ABCG4: variants seen among roughly 807,000 people sequenced by gnomAD.
ABCG4 encodes the protein ATP binding cassette subfamily G member 4.
Under a neutral mutation model 64.6 loss-of-function variants are expected in ABCG4, and 35 were observed. The ratio of observed to expected loss-of-function variants is 0.54; its 90% CI spans 0.41 to 0.72. The LOEUF is 0.72. Among genes scored for constraint, ABCG4 ranks in the 30% least tolerant of loss-of-function variants. The probability of loss-of-function intolerance (pLI) is 0.00; values close to 1 mark genes in which losing one functional copy is unlikely to be tolerated. For missense variants in ABCG4, 610 were observed against 846.3 expected (o/e 0.72, Z 3.46); for synonymous variants, 326 against 348.2 (o/e 0.94, Z 0.71).
chr11:119,158,575 T>G lies in ABCG4; in HGVS notation c.1186T>G (p.Phe396Val). 5 of 1,614,178 alleles carry G rather than the reference T, an allele frequency of 3.1e-6. No homozygotes were observed. The highest frequency in any genetic ancestry group is 4.2e-6 in the Non-Finnish European group (5 of 1,180,012). ...LRDTVLTHLR[F>V]MSHVVIGVLI... ...TCCCAAGGTCCTGACCCACCTACGG[T>G]TCATGTCCCACGTGGTTATTGGCGT... Residue 396 changes from phenylalanine to valine, a missense_variant, in exon 11 of 15, where the codon TTC (phenylalanine) becomes GTC (valine). By Grantham distance (50) the Phe-to-Val change is conservative (BLOSUM62 -1). Coordinates refer to ENST00000619701, the MANE Select transcript of ABCG4 (RefSeq NM_022169.5). The surrounding 1 kb of genome is among the most constrained non-coding windows in gnomAD (Gnocchi z 4.5).
At position 119,158,742 on chromosome 11, in the gene ABCG4, TGGGCATG is replaced by T. The variant is rs1165838165; in HGVS notation, c.1336+23_1336+29del. 2 of 1,614,012 alleles carry T rather than the reference TGGGCATG, an allele frequency of 1.2e-6. No individual in the cohort carries two copies. The highest frequency in any genetic ancestry group is 2.7e-5 in the African/African-American group (2 of 74,934). On this transcript the variant is annotated intron_variant, in intron 11 of 14. Transcript: ENST00000619701. The surrounding 1 kb of genome is among the most constrained non-coding windows in gnomAD (Gnocchi z 4.5). ...TGCTCACCTGTGAGCTGAGCTGCCC[TGGGCATG>T]GGGCAAGGGTGTGGGTGCTGGGGCT...
At chr11:119,153,852 G>A (rs762991528) in intron 2 of ABCG4, 174 bp from the exon 3 acceptor site, 14 of 638,610 alleles carry the variant, frequency 2.2e-5, no homozygotes, top group South Asian at 1.3e-4. Flanking sequence ...CTAGGGGGAC[G>A]GGATGAGAGG....
rs1366307224 is a variant in ABCG4, at chr11:119,160,709, T to A, written c.1715+53T>A. The A allele has an allele frequency of 3.3e-6, 5 of 1,537,692 alleles. No homozygotes were observed. The highest frequency in any genetic ancestry group is 4.5e-6 in the Non-Finnish European group (5 of 1,111,790). On this transcript the variant is annotated intron_variant, in intron 14 of 14. Coordinates refer to ENST00000619701, the MANE Select transcript of ABCG4 (RefSeq NM_022169.5). This position sits in a 1 kb window ranked among gnomAD's most constrained non-coding sequence, Gnocchi z 4.6. ...CTCTGCTCCTCCCTGGAGGAGTCCA[T>A]ACCCAGGGCTTCCTGGGTTGTGCCA...
At chr11:119,152,985 A>G (rs914702923) in intron 2 of ABCG4, 1 of 152,208 alleles carries the variant, frequency 6.6e-6, no homozygotes, top group Non-Finnish European at 1.5e-5. Flanking sequence ...CTTCTTGAAT[A>G]TAAAAACTGT....
chr11:119,150,043 C>T lies in ABCG4; in HGVS notation c.78C>T (p.Asp26=), dbSNP rs373824430. 14 of 1,613,542 alleles carry T rather than the reference C, an allele frequency of 8.7e-6. No homozygotes were observed. The highest frequency in any genetic ancestry group is 1.2e-5 in the Non-Finnish European group (14 of 1,180,020). Residue 26 remains aspartate, a synonymous_variant, in exon 2 of 15, where the codon GAC becomes GAT. Coordinates refer to ENST00000619701, the MANE Select transcript of ABCG4 (RefSeq NM_022169.5). The surrounding 1 kb of genome is among the most constrained non-coding windows in gnomAD (Gnocchi z 4.3). Reference sequence around the variant, plus strand: ...TGGCCATGGCCGTGACGCTGGAGGACGGGGCGGAACCCCCTGTGCTGACCA... The same window carrying T: ...TGGCCATGGCCGTGACGCTGGAGGATGGGGCGGAACCCCCTGTGCTGACCA... ...GAVAMAVTLE[D]GAEPPVLTTH... is the part of the protein sequence containing the mutation.
chr11:119,153,394 T>C (rs1948216864), intron 2 of ABCG4: 1 of 152,826 alleles, frequency 6.5e-6, no homozygotes, highest in African/African-American at 2.4e-5. Context: ...ACAAGCCTGG[T>C]AGGCAGAGAG....
At chr11:119,152,723 C>T (rs1189306469) in intron 2 of ABCG4, among the ~76,000 whole-genome samples, 2 of 152,176 alleles carry the variant, frequency 1.3e-5, no homozygotes, top group East Asian at 1.9e-4. Flanking sequence ...TTTTATATCA[C>T]AGAGCTTTTC....
chr11:119,149,824 G>T lies in ABCG4; in HGVS notation c.-12-130G>T. On this transcript the variant is annotated intron_variant, in intron 1 of 14. Transcript: ENST00000619701. The surrounding 1 kb of genome is among the most constrained non-coding windows in gnomAD (Gnocchi z 8.3). ...AGAGTGGGGGGCGGGGGCAGAGTGC[G>T]GGGCTAACAGTCGCGGATCTGCCCC... The T allele has an allele frequency of 7.3e-7, 1 of 1,370,516 alleles. No homozygotes were observed. Among genetic ancestry groups the T allele is most frequent in the Non-Finnish European group, 9.7e-7 (1 of 1,033,232 alleles). The allele number at this position is 1,370,516 out of a possible 1,614,324, so 84.9% of individuals were successfully genotyped here. A position where few individuals can be genotyped will look rare whatever the true frequency, so the allele number is the denominator to read the frequency against.
rs906994704 is a variant in ABCG4 at position 119,160,023 on chromosome 11, C to T, written c.1438-204C>T. Reference sequence around the variant, plus strand: ...CAGTCAGGGTGGACCAAACGGAAGACGTGAGACGAGATAAGTGATGGTCAT... The same window carrying T: ...CAGTCAGGGTGGACCAAACGGAAGATGTGAGACGAGATAAGTGATGGTCAT... On this transcript the variant is annotated intron_variant, in intron 12 of 14. Coordinates refer to ENST00000619701, the MANE Select transcript of ABCG4 (RefSeq NM_022169.5). The surrounding 1 kb of genome is among the most constrained non-coding windows in gnomAD (Gnocchi z 4.6). Among the ~76,000 whole-genome samples the T allele has an allele frequency of 4.0e-5, 6 of 151,750 alleles. No individual in the cohort carries two copies. The highest frequency in any genetic ancestry group is 1.3e-4 in the Admixed American group (2 of 15,226).
rs1391228334 is a variant in ABCG4, at chr11:119,158,620, C to T, written c.1231C>T (p.Leu411=). The stretch of plus-strand genomic sequence containing the variant: ...TGGCGTGCTCATCGGCCTCCTCTAC[C>T]TGCATATTGGCGACGATGCCAGCAA... ...VIGVLIGLLY[L]HIGDDASKVF... is the part of the protein sequence containing the mutation. The change falls in exon 11 of 15, where the codon CTG becomes TTG. Residue 411 remains leucine, a synonymous_variant. Coordinates refer to ENST00000619701, the MANE Select transcript of ABCG4 (RefSeq NM_022169.5). The surrounding 1 kb of genome is among the most constrained non-coding windows in gnomAD (Gnocchi z 4.5). 1.1e-5 allele frequency: 17 copies of T among 1,614,114 alleles called. No homozygotes were observed. Among genetic ancestry groups the T allele is most frequent in the Non-Finnish European group, 1.4e-5 (16 of 1,180,050 alleles).
chr11:119,160,418 C>T lies in ABCG4; in HGVS notation c.1596+33C>T, dbSNP rs372500851. ...GGCTGGCAGTTGGGAATTCCCAAGG[C>T]GGGATGAGGTCTTGTGGGAGGAAGC... On this transcript the variant is annotated intron_variant, in intron 13 of 14. Transcript: ENST00000619701. This position sits in a 1 kb window ranked among gnomAD's most constrained non-coding sequence, Gnocchi z 4.6. The T allele has an allele frequency of 4.8e-5, 77 of 1,602,874 alleles. No individual in the cohort carries two copies. The African/African-American group carries it at 7.4e-4, about 15-fold the overall frequency.
Position 119,149,914 on chromosome 11 carries a change from C to T in ABCG4, c.-12-40C>T, listed in dbSNP as rs986700595. ...ACGCCAGGGAGCTTTGAGCCGGGCT[C>T]GGTGGTCTGCCCCAAACTGAGCAGG... On this transcript the variant is annotated intron_variant, in intron 1 of 14. Coordinates refer to ENST00000619701, the MANE Select transcript of ABCG4 (RefSeq NM_022169.5). The surrounding 1 kb of genome is among the most constrained non-coding windows in gnomAD (Gnocchi z 8.3). 16 of 1,568,540 alleles carry T rather than the reference C, an allele frequency of 1.0e-5. No individual in the cohort carries two copies. The highest frequency in any genetic ancestry group is 1.8e-5 in the Admixed American group (1 of 56,172).
rs1312211427 is a variant in ABCG4, at chr11:119,149,990, G to T, written c.25G>T (p.Val9Leu). ...GATGGCGGAGAAGGCGCTGGAGGCCGTGGGCTGTGGACTAGGGCCGGGGGC... is the reference window on the plus strand; with the variant it reads ...GATGGCGGAGAAGGCGCTGGAGGCCTTGGGCTGTGGACTAGGGCCGGGGGC... Reference protein sequence around the residue: MAEKALEAVGCGLGPGAVA... With the variant: MAEKALEALGCGLGPGAVA... Residue 9 changes from valine to leucine, a missense_variant, in exon 2 of 15, where the codon GTG becomes TTG. By Grantham distance (32) the Val-to-Leu change is conservative. Coordinates refer to ENST00000619701, the MANE Select transcript of ABCG4 (RefSeq NM_022169.5). The surrounding 1 kb of genome is among the most constrained non-coding windows in gnomAD (Gnocchi z 8.3). 3.1e-6 allele frequency: 5 copies of T among 1,609,446 alleles called. No individual in the cohort carries two copies. The highest frequency in any genetic ancestry group is 4.2e-6 in the Non-Finnish European group (5 of 1,179,862).
In ABCG4 at chr11:119,156,753, G is replaced by C. The variant is rs1243716902; in HGVS notation, c.925+75G>C. The stretch of plus-strand genomic sequence containing the variant: ...CTGGGGTCTCTGGTCTTGCACTCAG[G>C]CCTCCTAGGGGTAGAGATCTCACCG... On this transcript the variant is annotated intron_variant, in intron 8 of 14. Coordinates refer to ENST00000619701, the MANE Select transcript of ABCG4 (RefSeq NM_022169.5). The surrounding 1 kb of genome is among the most constrained non-coding windows in gnomAD (Gnocchi z 5.5). 4.4e-6 allele frequency: 7 copies of C among 1,593,718 alleles called. No individual in the cohort carries two copies. The Admixed American group carries it at 1.2e-4, about 27-fold the overall frequency.
chr11:119,160,049 A>G lies in ABCG4; in HGVS notation c.1438-178A>G, dbSNP rs4148172. 0.12 allele frequency among the ~76,000 whole-genome samples: 18,297 copies of G among 151,678 alleles called. 1,605 individuals are homozygous for G. The highest frequency in any genetic ancestry group is 0.33 in the South Asian group (1,560 of 4,790). ...GTGAGACGAGATAAGTGATGGTCAT[A>G]TGGCCAGGGAGGAAGGGGACGTGTG... On this transcript the variant is annotated intron_variant, in intron 12 of 14. Coordinates refer to ENST00000619701, the MANE Select transcript of ABCG4 (RefSeq NM_022169.5). This position sits in a 1 kb window ranked among gnomAD's most constrained non-coding sequence, Gnocchi z 4.6.
chr11:119,150,776 C>G lies in ABCG4; in HGVS notation c.238+573C>G, dbSNP rs147943297. Among the ~76,000 whole-genome samples, 4 of 152,232 alleles carry G rather than the reference C, an allele frequency of 2.6e-5. No individual in the cohort carries two copies. The highest frequency in any genetic ancestry group is 9.6e-5 in the African/African-American group (4 of 41,506). ...AAGTGGTAGAGCTGAGACCAGAAGC[C>G]CGGTTTCCCAGCTCTCCATGCATTG... On this transcript the variant is annotated intron_variant, in intron 2 of 14. Transcript: ENST00000619701. The surrounding 1 kb of genome is among the most constrained non-coding windows in gnomAD (Gnocchi z 4.3).
At chr11:119,157,841 G>A (rs1054052211) in intron 9 of ABCG4, among the ~76,000 whole-genome samples, 4 of 151,812 alleles carry the variant, frequency 2.6e-5, no homozygotes, top group African/African-American at 9.7e-5. Context: ...ACTCCAGACT[G>A]GGCGACAGAG....
Position 119,150,001 on chromosome 11 carries a change from A to C in ABCG4, c.36A>C (p.Gly12=), listed in dbSNP as rs771054703. 1.2e-6 allele frequency: 2 copies of C among 1,610,586 alleles called. No individual in the cohort carries two copies. The highest frequency in any genetic ancestry group is 2.7e-5 in the African/African-American group (2 of 74,798). ...AGGCGCTGGAGGCCGTGGGCTGTGG[A>C]CTAGGGCCGGGGGCTGTGGCCATGG... ...AEKALEAVGC[G]LGPGAVAMAV... is the part of the protein sequence containing the mutation. Residue 12 remains glycine (G), a synonymous_variant, in exon 2 of 15, where the codon GGA becomes GGC. Transcript: ENST00000619701. The surrounding 1 kb of genome is among the most constrained non-coding windows in gnomAD (Gnocchi z 4.3).
Position 119,154,690 on chromosome 11 carries a change from A to T in ABCG4, c.541-80A>T. ...TAGGCCGAGACAATGCACTTAAGGG[A>T]GATGCTTTTTGAAGCTGGGGTGGTG... On this transcript the variant is annotated intron_variant, in intron 5 of 14. Transcript: ENST00000619701. This position sits in a 1 kb window ranked among gnomAD's most constrained non-coding sequence, Gnocchi z 7.0. 9 of 1,587,372 alleles carry T rather than the reference A, an allele frequency of 5.7e-6. No homozygotes were observed. Among genetic ancestry groups the T allele is most frequent in the African/African-American group, 1.3e-5 (1 of 74,340 alleles).
Sources: allele counts gnomAD v4.1 joint callset (sites outside exome capture counted in the v4.1 genomes callset), GRCh38; gene constraint gnomAD v4.1.1; non-coding constraint Gnocchi (gnomAD v3.1); transcripts MANE v1.5; gene names NCBI Gene and HGNC (gene_info 2026-07-23, HGNC 2026-07-21).